Variants in LPP observed in about 807,000 individuals in gnomAD.
The protein encoded by LPP is lipoma-preferred partner.
A neutral mutation model predicts 60.4 loss-of-function variants in LPP; 38 were observed. The ratio of observed to expected loss-of-function variants is 0.63; its 90% CI spans 0.49 to 0.83. The LOEUF (loss-of-function observed/expected upper bound fraction) is 0.83. LPP is among the 40% of genes least tolerant of loss of function. The pLI, the probability that LPP is intolerant of heterozygous loss-of-function variation, is 0.00. For synonymous variants in LPP, 328 were observed against 290.8 expected (o/e 1.13, Z -1.30); for missense variants, 902 against 783.6 (o/e 1.15, Z -1.80).
At position 188,881,982 on chromosome 3, in the gene LPP, T is replaced by TTTTTC. The variant is rs1360698080; in HGVS notation, c.*7513_*7517dup. The TTTTTC allele has an allele frequency of 4.6e-6, 1 of 215,114 alleles. No homozygotes were observed. The highest frequency in any genetic ancestry group is 7.0e-5 in the East Asian group (1 of 14,364). 13.3% of individuals were successfully genotyped at this position (215,114 alleles called of 1,614,324 possible). A position where few individuals can be genotyped will look rare whatever the true frequency, so the allele number is the denominator to read the frequency against. ...TTCTCTAATCATTTAGGAGTCCATA[T>TTTTTC]TTTTCTTTTCTTTTTGTTCTCCCAA... On this transcript the variant is annotated 3_prime_UTR_variant, in exon 12 of 12. Coordinates refer to ENST00000617246, the MANE Select transcript of LPP (RefSeq NM_001375462.1).
intron 6 of LPP, among the ~76,000 whole-genome samples, chr3:188,571,209 A>G (rs144954293): frequency 1.3e-3 from 194 of 152,210 alleles, no homozygotes; most frequent in African/African-American, 4.5e-3. Flanking sequence ...CATGTTTAGT[A>G]GTGGTGATTT....
chr3:188,223,105 G>T (rs4279091), intron 1 of LPP, among the ~76,000 whole-genome samples: 1 of 151,974 alleles, frequency 6.6e-6, no homozygotes, highest in Non-Finnish European at 1.5e-5. Flanking sequence ...TTGGGAATTC[G>T]GTGCTTCAGC....
At position 188,880,017 on chromosome 3, in the gene LPP, G is replaced by GT. The variant is rs1268956883; in HGVS notation, c.*5546dup. On this transcript the variant is annotated 3_prime_UTR_variant, in exon 12 of 12. Transcript: ENST00000617246. Reference sequence around the variant, plus strand: ...TTGTGGAGAGCTGTGTGAAAGATGCGTTTTTTTTCTTTTTTTCTTTTTTTT... The same window carrying GT: ...TTGTGGAGAGCTGTGTGAAAGATGCGTTTTTTTTTCTTTTTTTCTTTTTTTT... 2.1e-4 allele frequency: 35 copies of GT among 168,292 alleles called. No individual in the cohort carries two copies. Among genetic ancestry groups the GT allele is most frequent in the Admixed American group, 9.4e-4 (14 of 14,852 alleles). The allele number at this position is 168,292 out of a possible 1,614,324, so 10.4% of individuals were successfully genotyped here.
intron 2 of LPP, among the ~76,000 whole-genome samples, chr3:188,334,703 A>G (rs1296684296): frequency 6.6e-6 from 1 of 152,204 alleles, no homozygotes; most frequent in Non-Finnish European, 1.5e-5. Context: ...TGCTGGGATT[A>G]TAGGCCTGAG....
At chr3:188,722,428 C>T (rs915111194) in intron 8 of LPP, among the ~76,000 whole-genome samples, 44 of 152,154 alleles carry the variant, frequency 2.9e-4, no homozygotes, top group African/African-American at 1.1e-3. Context: ...AATAATTCAT[C>T]TTTTGTCAGA....
chr3:188,214,376 C>T (rs895990615), intron 1 of LPP, among the ~76,000 whole-genome samples: 16 of 152,178 alleles, frequency 1.1e-4, no homozygotes, highest in Admixed American at 2.6e-4. Flanking sequence ...GGTGATCTGC[C>T]TGCCTTGGCC....
chr3:188,203,353 TAC>T (rs1731661421), intron 1 of LPP, among the ~76,000 whole-genome samples: 4 of 106,666 alleles, frequency 3.8e-5, no homozygotes, highest in Non-Finnish European at 6.7e-5. Flanking sequence ...TTTAAATATA[TAC>T]ATATATTTAT....
At chr3:188,416,523 T>C (rs1786314297) in intron 4 of LPP, among the ~76,000 whole-genome samples, 1 of 152,170 alleles carries the variant, frequency 6.6e-6, no homozygotes, top group Admixed American at 6.5e-5. Context: ...TTAATCTCCT[T>C]TGAACCTTCT....
At chr3:188,661,020 G>A (rs576745408) in intron 7 of LPP, among the ~76,000 whole-genome samples, 5 of 151,972 alleles carry the variant, frequency 3.3e-5, no homozygotes, top group Non-Finnish European at 4.4e-5. Context: ...CCCCAACCCC[G>A]GTAACCCCTG....
chr3:188,348,076 G>C (rs1379769949), intron 3 of LPP, among the ~76,000 whole-genome samples: 1 of 152,160 alleles, frequency 6.6e-6, no homozygotes, highest in East Asian at 1.9e-4. Context: ...TGTGGCCTTG[G>C]ATAAGTTACT....
chr3:188,805,029 C>T (rs1417864899), intron 9 of LPP, among the ~76,000 whole-genome samples: 11 of 151,988 alleles, frequency 7.2e-5, no homozygotes, highest in Admixed American at 7.2e-4. Flanking sequence ...ATCAGCCTTG[C>T]ATTCCCAAGA....
chr3:188,215,979 T>C (rs951811507), intron 1 of LPP, among the ~76,000 whole-genome samples: 5 of 152,200 alleles, frequency 3.3e-5, no homozygotes, highest in African/African-American at 1.2e-4. Context: ...AGGAAGCCCA[T>C]AGCTAAATTT....
intron 7 of LPP, among the ~76,000 whole-genome samples, chr3:188,621,698 T>C (rs569087533): frequency 6.6e-6 from 1 of 152,290 alleles, no homozygotes; most frequent in South Asian, 2.1e-4. Flanking sequence ...TCTCATTCTG[T>C]CGCCCAGGCT....
At chr3:188,850,626 T>TA (rs1412472458) in intron 9 of LPP, among the ~76,000 whole-genome samples, 6 of 151,962 alleles carry the variant, frequency 3.9e-5, no homozygotes, top group Non-Finnish European at 4.4e-5. Context: ...TTATATTTTT[T>TA]AAAAAAAGAA....
chr3:188,598,690 A>G (rs1840466161), intron 6 of LPP, among the ~76,000 whole-genome samples: 1 of 152,144 alleles, frequency 6.6e-6, no homozygotes, highest in African/African-American at 2.4e-5. Context: ...CCAGCTGCAT[A>G]CCATTCCATT....
chr3:188,866,045 A>G (rs1246986549), intron 9 of LPP, among the ~76,000 whole-genome samples, 155 bp from the exon 10 acceptor site: 3 of 152,208 alleles, frequency 2.0e-5, no homozygotes, highest in Non-Finnish European at 2.9e-5. Context: ...TAAGGACTGT[A>G]TTAAAGCTGT....
chr3:188,537,877 A>C (rs1441509042), intron 6 of LPP, among the ~76,000 whole-genome samples: 1 of 152,182 alleles, frequency 6.6e-6, no homozygotes, highest in African/African-American at 2.4e-5. Context: ...AAGCAGTGTG[A>C]TATTGGCCTA....
At chr3:188,740,052 A>G (rs1391157132) in intron 8 of LPP, among the ~76,000 whole-genome samples, 1 of 152,066 alleles carries the variant, frequency 6.6e-6, no homozygotes, top group Non-Finnish European at 1.5e-5. Context: ...AGAAATCACC[A>G]GTAGTGTTAT....
chr3:188,825,881 A>G (rs1392382943), intron 9 of LPP, among the ~76,000 whole-genome samples: 1 of 152,078 alleles, frequency 6.6e-6, no homozygotes, highest in Non-Finnish European at 1.5e-5. Flanking sequence ...CATGCTGTTG[A>G]TGCTGACAGA....
Sources: allele counts gnomAD v4.1 joint callset (sites outside exome capture counted in the v4.1 genomes callset), GRCh38; gene constraint gnomAD v4.1.1; transcripts MANE v1.5; gene names NCBI Gene and HGNC (gene_info 2026-07-23, HGNC 2026-07-21).